Variants in CACNA2D3 observed in about 807,000 individuals in gnomAD.
The protein encoded by CACNA2D3 is calcium voltage-gated channel auxiliary subunit alpha2delta 3.
In CACNA2D3, 60 loss-of-function variants were observed where a neutral mutation model predicts 160.6. The observed-to-expected ratio is 0.37, with a 90% CI of 0.30 to 0.46. The LOEUF (loss-of-function observed/expected upper bound fraction) is 0.46, where lower values mean the gene tolerates loss of function less well. CACNA2D3 is among the 20% of genes least tolerant of loss of function. The probability of loss-of-function intolerance (pLI) is 1.00; values close to 1 mark genes in which losing one functional copy is unlikely to be tolerated. For missense variants in CACNA2D3, 1,205 were observed against 1,365.0 expected (o/e 0.88, Z 1.85); for synonymous variants, 558 against 492.9 (o/e 1.13, Z -1.75).
intron 11 of CACNA2D3, among the ~76,000 whole-genome samples, chr3:54,705,742 C>G (rs1221706084): frequency 6.6e-6 from 1 of 152,148 alleles, no homozygotes; most frequent in Non-Finnish European, 1.5e-5. Flanking sequence ...AGGGCATCTT[C>G]CTGGTTAGAA....
At chr3:54,500,667 G>A (rs1002825828) in intron 4 of CACNA2D3, among the ~76,000 whole-genome samples, 14 of 147,762 alleles carry the variant, frequency 9.5e-5, no homozygotes, top group African/African-American at 3.5e-4. Context: ...AATTGAACAT[G>A]TTATGTGACT....
chr3:54,765,987 T>C (rs1702216934), intron 13 of CACNA2D3, among the ~76,000 whole-genome samples: 1 of 152,056 alleles, frequency 6.6e-6, no homozygotes, highest in African/African-American at 2.4e-5. Context: ...GACGTCTAAA[T>C]TGTAAAAAAT....
intron 4 of CACNA2D3, among the ~76,000 whole-genome samples, chr3:54,440,100 C>G (rs1394187164): frequency 6.6e-6 from 1 of 152,162 alleles, no homozygotes; most frequent in African/African-American, 2.4e-5. Flanking sequence ...TTTACCCACT[C>G]CTTGACTGGG....
At chr3:54,903,226 G>T (rs1340899316) in intron 27 of CACNA2D3, among the ~76,000 whole-genome samples, 1 of 151,896 alleles carries the variant, frequency 6.6e-6, no homozygotes, top group Non-Finnish European at 1.5e-5. Flanking sequence ...CCTCCATTAG[G>T]TCCTAGTGTG....
chr3:54,804,043 C>T (rs1575484235), intron 13 of CACNA2D3, among the ~76,000 whole-genome samples: 3 of 152,114 alleles, frequency 2.0e-5, no homozygotes, highest in South Asian at 2.1e-4. Flanking sequence ...CCTAAAAGAG[C>T]TCCTGAAGGA....
intron 12 of CACNA2D3, among the ~76,000 whole-genome samples, chr3:54,756,895 T>C (rs1701981554): frequency 6.6e-6 from 1 of 152,148 alleles, no homozygotes; most frequent in Non-Finnish European, 1.5e-5. Context: ...CTGGAGCTTG[T>C]GAGTTTATTT....
intron 27 of CACNA2D3, among the ~76,000 whole-genome samples, chr3:54,904,035 T>A (rs1181086282): frequency 6.6e-6 from 1 of 152,214 alleles, no homozygotes; most frequent in Non-Finnish European, 1.5e-5. Flanking sequence ...ATTTATTTCT[T>A]ACAGTTCTGC....
chr3:54,937,278 C>T (rs527772087), intron 27 of CACNA2D3, among the ~76,000 whole-genome samples: 1 of 152,292 alleles, frequency 6.6e-6, no homozygotes, highest in South Asian at 2.1e-4. Flanking sequence ...TAAGACACAG[C>T]TCAATGAATG....
chr3:54,557,386 C>T (rs957249496), intron 5 of CACNA2D3, among the ~76,000 whole-genome samples: 3 of 152,152 alleles, frequency 2.0e-5, no homozygotes, highest in Non-Finnish European at 2.9e-5. Context: ...TTCACAGTTC[C>T]TCAGGGGGCA....
chr3:55,017,879 T>C (rs1337070683), intron 34 of CACNA2D3, among the ~76,000 whole-genome samples: 2 of 152,238 alleles, frequency 1.3e-5, no homozygotes, highest in African/African-American at 4.8e-5. Flanking sequence ...TATACATTTA[T>C]TCAGATACAC....
intron 27 of CACNA2D3, among the ~76,000 whole-genome samples, chr3:54,908,276 G>A (rs1559624948): frequency 6.6e-6 from 1 of 152,106 alleles, no homozygotes; most frequent in Non-Finnish European, 1.5e-5. Flanking sequence ...TTTCCCTAAT[G>A]ACTTAGCATC....
chr3:54,912,551 A>G (rs1526589), intron 27 of CACNA2D3, among the ~76,000 whole-genome samples: 76,200 of 151,774 alleles, frequency 0.5, 19,595 homozygotes, highest in East Asian at 0.76. Flanking sequence ...TCCATGGGAC[A>G]TTTTTCCTCC....
At chr3:54,255,839 A>T (rs2107431993) in intron 2 of CACNA2D3, among the ~76,000 whole-genome samples, 1 of 152,308 alleles carries the variant, frequency 6.6e-6, no homozygotes. Context: ...CTTCCAGTAA[A>T]GTCTTTTCTA....
At chr3:54,504,690 G>A (rs1452977027) in intron 5 of CACNA2D3, among the ~76,000 whole-genome samples, 1 of 152,104 alleles carries the variant, frequency 6.6e-6, no homozygotes, top group Non-Finnish European at 1.5e-5. Context: ...AGATATCAGG[G>A]GCCAGTTTCC....
rs74676631 is a variant in CACNA2D3 at position 54,532,908 on chromosome 3, A to T, written c.544+29254A>T. 4.8e-3 allele frequency among the ~76,000 whole-genome samples: 725 copies of T among 152,348 alleles called. 49 individuals are homozygous for T. The East Asian group carries it at 0.12, about 26-fold the overall frequency. On this transcript the variant is annotated intron_variant, in intron 5 of 37. Transcript: ENST00000474759. ...TTCCATAGAGGTTGTACTACTTTAC[A>T]TTCCCACTAAGAGTAGGATAAGCCC...
In CACNA2D3 at chr3:54,284,232, A is replaced by G. The variant is rs1003148063; in HGVS notation, c.205-36210A>G. Among the ~76,000 whole-genome samples, 9 of 152,222 alleles carry G rather than the reference A, an allele frequency of 5.9e-5. No individual in the cohort carries two copies. In the East Asian group the frequency reaches 1.5e-3, roughly 26 times the overall value. On this transcript the variant is annotated intron_variant, in intron 2 of 37. Transcript: ENST00000474759. ...TGTATACATATGTAACAAACCTGCA[A>G]ATTGTGCACATGCACCCTAAAACTT...
chr3:54,169,675 ATG>A (rs918806453), intron 2 of CACNA2D3, among the ~76,000 whole-genome samples: 9 of 146,452 alleles, frequency 6.1e-5, no homozygotes, highest in African/African-American at 9.9e-5. Flanking sequence ...GCGTGCTTGT[ATG>A]TGTGTGTATG....
chr3:55,051,552 C>G (rs1418329691), intron 35 of CACNA2D3, among the ~76,000 whole-genome samples: 1 of 151,810 alleles, frequency 6.6e-6, no homozygotes, highest in African/African-American at 2.4e-5. Context: ...TTACTGCTGT[C>G]TTTTTGTTTG....
chr3:54,277,173 GC>G (rs1409279489), intron 2 of CACNA2D3, among the ~76,000 whole-genome samples: 1 of 152,224 alleles, frequency 6.6e-6, no homozygotes, highest in African/African-American at 2.4e-5. Flanking sequence ...ATGAACGTCT[GC>G]CCTTTCCTCC....
Sources: gnomAD v4.1 joint callset for allele counts (sites outside exome capture counted in the v4.1 genomes callset) on GRCh38, gnomAD v4.1.1 for gene constraint, MANE v1.5 for transcripts, NCBI Gene and HGNC (gene_info 2026-07-23, HGNC 2026-07-21) for gene names.